Variants in FAF1 observed in about 807,000 individuals in gnomAD.
FAF1 encodes Fas associated factor 1.
In FAF1, 25 loss-of-function variants were observed where a neutral mutation model predicts 92.5. The ratio of observed to expected loss-of-function variants is 0.27; its 90% CI spans 0.20 to 0.38. FAF1 has a LOEUF of 0.38. Ranked by LOEUF, FAF1 falls within the 10% of genes least tolerant of loss-of-function variation. FAF1 has a pLI of 1.00. For synonymous variants in FAF1, 234 were observed against 273.2 expected (o/e 0.86, Z 1.42); for missense variants, 636 against 793.3 (o/e 0.80, Z 2.38).
chr1:50,706,653 G>A (rs1657685465), intron 6 of FAF1, among the ~76,000 whole-genome samples: 1 of 152,132 alleles, frequency 6.6e-6, no homozygotes, highest in South Asian at 2.1e-4. Context: ...TCAATTACAA[G>A]TGAAATACAG....
chr1:50,682,143 A>G (rs1234757513), intron 7 of FAF1, among the ~76,000 whole-genome samples: 1 of 152,000 alleles, frequency 6.6e-6, no homozygotes, highest in East Asian at 1.9e-4. Flanking sequence ...CAGTATTTCA[A>G]TGTGTAACTG....
intron 1 of FAF1, among the ~76,000 whole-genome samples, chr1:50,860,781 T>G (rs536440968): frequency 7.2e-5 from 11 of 151,854 alleles, no homozygotes; most frequent in Admixed American, 3.3e-4. Flanking sequence ...ACAAATTCAC[T>G]CACACGTTAA....
rs149044067 is a variant in FAF1, at chr1:50,927,486, G to T, written c.45+32281C>A. Among the ~76,000 whole-genome samples, 606 of 152,220 alleles carry T rather than the reference G, an allele frequency of 4.0e-3. 4 individuals are homozygous for T. The highest frequency in any genetic ancestry group is 0.027 in the Middle Eastern group (8 of 294). ...AGTCCCAGCTACTTGGGAGGCTGAG[G>T]TTGCAGTGAGCCAAGATGGCACTCT... On this transcript the variant is annotated intron_variant, in intron 1 of 18. Transcript: ENST00000396153.
rs758440685 is a variant in FAF1 at position 50,744,795 on chromosome 1, T to C, written c.368-20A>G. ...TCTCTCCTGTATAAATAAGAAGAGA[T>C]CAAATATTACTAACAAAATAACACA... On this transcript the variant is annotated intron_variant, in intron 4 of 18. Coordinates refer to ENST00000396153, the MANE Select transcript of FAF1 (RefSeq NM_007051.3). The C allele has an allele frequency of 2.2e-6, 3 of 1,394,030 alleles. No individual in the cohort carries two copies. The highest frequency in any genetic ancestry group is 2.5e-5 in the South Asian group (2 of 81,306). The allele number at this position is 1,394,030 out of a possible 1,614,324, so 86.4% of individuals were successfully genotyped here.
chr1:50,650,440 C>T (rs902564971), intron 8 of FAF1, among the ~76,000 whole-genome samples: 5 of 151,522 alleles, frequency 3.3e-5, no homozygotes, highest in Non-Finnish European at 5.9e-5. Flanking sequence ...GCCAACACAG[C>T]GAAACCCTGT....
chr1:50,836,168 C>CTGTTTTTTTTTT lies in FAF1; in HGVS notation c.114+21749_114+21760dup, dbSNP rs1275884320. On this transcript the variant is annotated intron_variant, in intron 2 of 18. Coordinates refer to ENST00000396153, the MANE Select transcript of FAF1 (RefSeq NM_007051.3). ...GTGTGTGTGTTTTTGTTTTTTGTTT[C>CTGTTTTTTTTTT]TGTTTTTTTTTTTTTTTTTTTAGAC... 5.2e-3 allele frequency among the ~76,000 whole-genome samples: 394 copies of CTGTTTTTTTTTT among 75,518 alleles called. 20 individuals are homozygous for CTGTTTTTTTTTT. The highest frequency in any genetic ancestry group is 0.02 in the African/African-American group (358 of 17,652). The allele number at this position is 75,518 out of a possible 152,430, so 49.5% of individuals were successfully genotyped here.
chr1:50,518,122 G>A (rs955483608), intron 15 of FAF1, among the ~76,000 whole-genome samples: 3 of 152,036 alleles, frequency 2.0e-5, no homozygotes, highest in Non-Finnish European at 2.9e-5. Flanking sequence ...TGCAGTCCAC[G>A]CTTTCCTGAA....
At chr1:50,467,633 G>A (rs1363602738) in intron 18 of FAF1, among the ~76,000 whole-genome samples, 1 of 152,134 alleles carries the variant, frequency 6.6e-6, no homozygotes, top group Non-Finnish European at 1.5e-5. Flanking sequence ...TTTTCTAGAT[G>A]ATAATCCACC....
At chr1:50,443,907 C>T (rs550162506) in intron 18 of FAF1, among the ~76,000 whole-genome samples, 70 of 152,096 alleles carry the variant, frequency 4.6e-4, no homozygotes, top group Non-Finnish European at 9.0e-4. Flanking sequence ...AGCAAGAGTG[C>T]CCCCCCTTTC....
chr1:50,720,747 T>C (rs1002264250), intron 6 of FAF1, among the ~76,000 whole-genome samples: 1 of 152,194 alleles, frequency 6.6e-6, no homozygotes, highest in Admixed American at 6.5e-5. Context: ...GACTGAAGGC[T>C]GAAACCATAC....
At chr1:50,910,146 C>T (rs1405952167) in intron 1 of FAF1, among the ~76,000 whole-genome samples, 1 of 152,108 alleles carries the variant, frequency 6.6e-6, no homozygotes, top group Non-Finnish European at 1.5e-5. Context: ...GCTGGAGGTC[C>T]ACTCCAGACC....
intron 4 of FAF1, among the ~76,000 whole-genome samples, chr1:50,755,591 G>A (rs1557511767): frequency 6.6e-6 from 1 of 152,182 alleles, no homozygotes; most frequent in South Asian, 2.1e-4. Flanking sequence ...CCACTAAGCG[G>A]TGCCCAGTAG....
intron 18 of FAF1, among the ~76,000 whole-genome samples, chr1:50,466,576 G>A (rs1018809991): frequency 6.6e-6 from 1 of 152,190 alleles, no homozygotes; most frequent in Admixed American, 6.5e-5. Context: ...GAGATCAAAG[G>A]ACTGACATTT....
intron 13 of FAF1, among the ~76,000 whole-genome samples, chr1:50,561,662 C>T (rs1649906517): frequency 6.6e-6 from 1 of 152,034 alleles, no homozygotes; most frequent in South Asian, 2.1e-4. Flanking sequence ...CCCATCTCTA[C>T]CAAAAATACA....
In FAF1 at chr1:50,671,431, C is replaced by G. The variant is rs572253860; in HGVS notation, c.658-15903G>C. ...AAAAAAAAAAAAAGGTAAAGTTTGA[C>G]TTCCATAGCTGCCACATGATGCAAC... On this transcript the variant is annotated intron_variant, in intron 7 of 18. Coordinates refer to ENST00000396153, the MANE Select transcript of FAF1 (RefSeq NM_007051.3). Among the ~76,000 whole-genome samples the G allele has an allele frequency of 8.6e-5, 13 of 151,814 alleles. No individual in the cohort carries two copies. In the East Asian group the frequency reaches 1.4e-3, roughly 16 times the overall value.
At chr1:50,937,302 G>C (rs899987568) in intron 1 of FAF1, among the ~76,000 whole-genome samples, 1 of 152,016 alleles carries the variant, frequency 6.6e-6, no homozygotes, top group Non-Finnish European at 1.5e-5. Context: ...TTCATTGACA[G>C]ACAAGCACAT....
At chr1:50,746,835 G>A (rs916158597) in intron 4 of FAF1, among the ~76,000 whole-genome samples, 7 of 152,128 alleles carry the variant, frequency 4.6e-5, no homozygotes, top group East Asian at 1.9e-4. Flanking sequence ...AGAGGCCTAC[G>A]AGGTGGGTGA....
intron 4 of FAF1, among the ~76,000 whole-genome samples, chr1:50,777,444 A>C (rs1468852266): frequency 6.6e-6 from 1 of 152,118 alleles, no homozygotes; most frequent in Non-Finnish European, 1.5e-5. Context: ...AAATCATTTC[A>C]AGTCACATGA....
chr1:50,614,700 G>A (rs1026410015), intron 8 of FAF1, among the ~76,000 whole-genome samples: 5 of 151,938 alleles, frequency 3.3e-5, no homozygotes, highest in African/African-American at 4.8e-5. Flanking sequence ...TTAGCTGGGC[G>A]TCATGGTGTA....
Sources: allele counts gnomAD v4.1 joint callset (sites outside exome capture counted in the v4.1 genomes callset), GRCh38; gene constraint gnomAD v4.1.1; transcripts MANE v1.5; gene names NCBI Gene and HGNC (gene_info 2026-07-23, HGNC 2026-07-21).